Variants in SCUBE1 observed in about 807,000 individuals in gnomAD.
SCUBE1 encodes signal peptide, CUB domain and EGF like domain containing 1.
A neutral mutation model predicts 124.4 loss-of-function variants in SCUBE1; 59 were observed. That is an observed-to-expected ratio of 0.47 (90% CI 0.38 to 0.59). The LOEUF (loss-of-function observed/expected upper bound fraction) is 0.59. Ranked by LOEUF, SCUBE1 falls within the 20% of genes least tolerant of loss-of-function variation. SCUBE1 has a pLI of 0.00. For missense variants in SCUBE1, 1,150 were observed against 1,371.2 expected, an observed-to-expected ratio of 0.84 and a Z score of 2.55; for synonymous variants, 545 against 550.9, an observed-to-expected ratio of 0.99 and a Z score of 0.15.
chr22:43,274,609 C>T (rs972987560), intron 4 of SCUBE1, among the ~76,000 whole-genome samples: 2 of 152,204 alleles, frequency 1.3e-5, no homozygotes, highest in Non-Finnish European at 2.9e-5. Flanking sequence ...GTGGTAGCAT[C>T]CCAAAAGTGT....
intron 2 of SCUBE1, among the ~76,000 whole-genome samples, chr22:43,335,787 ATGG>A (rs1266221954): frequency 2.0e-5 from 3 of 151,512 alleles, no homozygotes; most frequent in African/African-American, 7.3e-5. Flanking sequence ...GGTGATGGTG[ATGG>A]TGATGATGAT....
At chr22:43,298,777 G>A (rs985083908) in intron 3 of SCUBE1, among the ~76,000 whole-genome samples, 1 of 152,234 alleles carries the variant, frequency 6.6e-6, no homozygotes, top group Non-Finnish European at 1.5e-5. Context: ...AGTCGACTGG[G>A]CTTGGTGGCT....
intron 4 of SCUBE1, among the ~76,000 whole-genome samples, chr22:43,284,880 C>T (rs1314428242): frequency 6.6e-6 from 1 of 152,212 alleles, no homozygotes; most frequent in Non-Finnish European, 1.5e-5. Flanking sequence ...GACAACATCA[C>T]TCTTGATGCC....
chr22:43,201,060 T>C lies in SCUBE1; in HGVS notation c.*2937A>G, dbSNP rs9612025. 0.048 allele frequency: 7,272 copies of C among 151,562 alleles called. 215 individuals carry two copies. Among genetic ancestry groups the C allele is most frequent in the Non-Finnish European group, 0.069 (4,704 of 67,860 alleles). 9.4% of individuals were successfully genotyped at this position (151,562 alleles called of 1,614,324 possible). A position where few individuals can be genotyped will look rare whatever the true frequency, so the allele number is the denominator to read the frequency against. ...GGCTCACGCCTGTAATCCCAGCACT[T>C]TGGGAGGCCGAGGTGGGCGGATCAC... is the stretch of plus-strand genomic sequence containing the variant. On this transcript the variant is annotated 3_prime_UTR_variant, in exon 22 of 22. Transcript: ENST00000360835.
At chr22:43,307,627 G>C (rs553734066) in intron 3 of SCUBE1, among the ~76,000 whole-genome samples, 22 of 152,310 alleles carry the variant, frequency 1.4e-4, no homozygotes, top group African/African-American at 3.8e-4. Context: ...CTGAGGTCCA[G>C]AGGCTCCAGG....
At position 43,262,100 on chromosome 22, in the gene SCUBE1, C is replaced by T. The variant is rs571941942; in HGVS notation, c.610+620G>A. On this transcript the variant is annotated intron_variant, in intron 5 of 21. Coordinates refer to ENST00000360835, the MANE Select transcript of SCUBE1 (RefSeq NM_173050.5). ...CTTTGGCCAGAGGCCTCATTCAGCC[C>T]AGATCTCCCAGAATATCACCATCTG... Among the ~76,000 whole-genome samples, 57 of 152,348 alleles carry T rather than the reference C, an allele frequency of 3.7e-4. 1 individual carries two copies. The South Asian group carries it at 0.012, about 31-fold the overall frequency.
At chr22:43,329,063 CT>C (rs1420930998) in intron 2 of SCUBE1, among the ~76,000 whole-genome samples, 1 of 152,238 alleles carries the variant, frequency 6.6e-6, no homozygotes, top group Non-Finnish European at 1.5e-5. Flanking sequence ...GCCTGCGGGC[CT>C]TGTGAAGGAT....
chr22:43,330,003 C>A (rs1926854118), intron 2 of SCUBE1, among the ~76,000 whole-genome samples: 1 of 150,496 alleles, frequency 6.6e-6, no homozygotes, highest in Non-Finnish European at 1.5e-5. Context: ...AGCTGGAGGA[C>A]ATGGAGGGTG....
intron 6 of SCUBE1, among the ~76,000 whole-genome samples, chr22:43,257,283 C>T (rs1923697054): frequency 6.6e-6 from 1 of 152,136 alleles, no homozygotes; most frequent in Non-Finnish European, 1.5e-5. Flanking sequence ...CAAGAAGTAT[C>T]TTCCAGATTG....
chr22:43,262,893 G>A, intron 4 of SCUBE1, 48 bp from the exon 5 acceptor site: 2 of 1,585,306 alleles, frequency 1.3e-6, no homozygotes, highest in Non-Finnish European at 1.7e-6. Flanking sequence ...AGGCAGAGAG[G>A]GAGAGAGAAA....
At chr22:43,204,237 T>C in intron 21 of SCUBE1, 88 bp from the exon 22 acceptor site, 11 of 1,097,428 alleles carry the variant, frequency 1.0e-5, no homozygotes, top group Non-Finnish European at 1.4e-5. Flanking sequence ...GGGAGAGAGA[T>C]GCGCTGGCTG....
chr22:43,270,030 C>A (rs968927236), intron 4 of SCUBE1: 4 of 152,206 alleles, frequency 2.6e-5, no homozygotes, highest in Non-Finnish European at 4.4e-5. Flanking sequence ...ACGGCACAGG[C>A]TGAGCATTCC....
chr22:43,259,969 A>G (rs535376511), intron 5 of SCUBE1, among the ~76,000 whole-genome samples: 2 of 152,208 alleles, frequency 1.3e-5, no homozygotes, highest in African/African-American at 4.8e-5. Context: ...GCTCACCTCA[A>G]CGGCCAGGAA....
At chr22:43,312,253 T>C (rs1315459888) in intron 3 of SCUBE1, among the ~76,000 whole-genome samples, 6 of 152,108 alleles carry the variant, frequency 3.9e-5, no homozygotes, top group Admixed American at 3.9e-4. Context: ...AAATTCTGCT[T>C]TTGGGGAAGA....
chr22:43,218,115 CCTT>C lies in SCUBE1; in HGVS notation c.1891+137_1891+139del, dbSNP rs553781614. The stretch of plus-strand genomic sequence containing the variant: ...CAGTGATGACCATGAGGGCTGCAGT[CCTT>C]CTCCCCGGCAGGCCTCTGCATCTCT... On this transcript the variant is annotated intron_variant, in intron 15 of 21. Transcript: ENST00000360835. 78 of 764,030 alleles carry C rather than the reference CCTT, an allele frequency of 1.0e-4. No individual in the cohort carries two copies. In the East Asian group the frequency reaches 1.8e-3, roughly 18 times the overall value. 47.3% of individuals were successfully genotyped at this position (764,030 alleles called of 1,614,324 possible).
chr22:43,262,963 T>TTG, intron 4 of SCUBE1, 118 bp from the exon 5 acceptor site: 1 of 1,113,742 alleles, frequency 9.0e-7, no homozygotes, highest in South Asian at 1.4e-5. Flanking sequence ...TGTCATTGCA[T>TTG]GTATCATGCA....
At chr22:43,288,856 C>T (rs1925248946) in intron 4 of SCUBE1, among the ~76,000 whole-genome samples, 1 of 152,224 alleles carries the variant, frequency 6.6e-6, no homozygotes, top group Non-Finnish European at 1.5e-5. Context: ...GTGCCTGGCT[C>T]AGAGTAAGCG....
At chr22:43,208,262 G>A (rs774001414) in intron 19 of SCUBE1, 38 bp from the exon 20 acceptor site, 71 of 1,610,910 alleles carry the variant, frequency 4.4e-5, no homozygotes, top group Non-Finnish European at 5.9e-5. Flanking sequence ...GCCACAGGTA[G>A]GCAGCTCCTC....
chr22:43,209,376 T>C (rs541607333), intron 19 of SCUBE1, among the ~76,000 whole-genome samples: 1 of 152,292 alleles, frequency 6.6e-6, no homozygotes, highest in East Asian at 1.9e-4. Flanking sequence ...CCTGGACAGG[T>C]GCGCTGCAGG....
Sources: allele counts gnomAD v4.1 joint callset (sites outside exome capture counted in the v4.1 genomes callset), GRCh38; gene constraint gnomAD v4.1.1; transcripts MANE v1.5; gene names NCBI Gene and HGNC (gene_info 2026-07-23, HGNC 2026-07-21).